Variants in BIN2 observed in about 807,000 individuals in gnomAD.
BIN2 encodes the protein breast cancer associated protein BRAP1.
In BIN2, 43 loss-of-function variants were observed where a neutral mutation model predicts 67.9. The observed-to-expected ratio is 0.63, with a 90% confidence interval of 0.50 to 0.82. The LOEUF is 0.82. BIN2 is among the 40% of genes least tolerant of loss of function. The pLI, the probability that BIN2 is intolerant of heterozygous loss-of-function variation, is 0.00. For missense variants in BIN2, 581 were observed against 671.6 expected, an observed-to-expected ratio of 0.87 and a Z score of 1.49; for synonymous variants, 244 against 246.8, an observed-to-expected ratio of 0.99 and a Z score of 0.11.
chr12:51,304,828 A>T (rs1178035833), intron 2 of BIN2, among the ~76,000 whole-genome samples: 1 of 150,520 alleles, frequency 6.6e-6, no homozygotes, highest in African/African-American at 2.5e-5. Flanking sequence ...CATCCTGGCT[A>T]ACACGGTGAA....
chr12:51,315,573 T>G (rs1250205010), intron 1 of BIN2, among the ~76,000 whole-genome samples: 1 of 152,182 alleles, frequency 6.6e-6, no homozygotes, highest in Non-Finnish European at 1.5e-5. Context: ...GGCTTTTAAG[T>G]AAAATGTGAG....
At chr12:51,314,597 C>T (rs11833655) in intron 1 of BIN2, among the ~76,000 whole-genome samples, 4 of 151,786 alleles carry the variant, frequency 2.6e-5, no homozygotes, top group African/African-American at 4.8e-5. Flanking sequence ...GTCGGGAGTT[C>T]GAGGCCAGGC....
chr12:51,291,812 T>A lies in BIN2; in HGVS notation c.1294A>T (p.Asn432Tyr), dbSNP rs1945388406. ...GAGGCTGTAGGGCTGGAAGGTATGT[T>A]CCCTGAGGAGGGCCTGGGGCTTGCA... Reference protein sequence around the residue: ...ATASPRPSSGNIPSSPTASGG... With the variant: ...ATASPRPSSGYIPSSPTASGG... The change falls in exon 10 of 13, where the codon AAC becomes TAC. Residue 432 changes from asparagine to tyrosine, a missense_variant. Coordinates refer to ENST00000615107, the MANE Select transcript of BIN2 (RefSeq NM_016293.4). 6.2e-7 allele frequency: 1 copy of A among 1,613,824 alleles called. No individual in the cohort carries two copies. Among genetic ancestry groups the A allele is most frequent in the Admixed American group, 1.7e-5 (1 of 59,972 alleles).
Position 51,291,727 on chromosome 12 carries a change from C to T in BIN2, c.1379G>A (p.Arg460Lys). ...ATTAGGAGAGACCTCTAGGGAGGTC[C>T]TAGGACTTGCAGTCCCAGTCCCCAA... ...ASLGTGTASP[R>K]TSLEVSPNPE... is the part of the protein sequence containing the mutation. The change falls in exon 10 of 13, where the codon AGG becomes AAG. Residue 460 changes from arginine to lysine, a missense_variant. By Grantham distance (26) the Arg-to-Lys change is conservative. Coordinates refer to ENST00000615107, the MANE Select transcript of BIN2 (RefSeq NM_016293.4). 9 of 1,613,604 alleles carry T rather than the reference C, an allele frequency of 5.6e-6. No homozygotes were observed. The highest frequency in any genetic ancestry group is 3.3e-5 in the South Asian group (3 of 91,046).
At chr12:51,307,633 C>G (rs146234645) in intron 2 of BIN2, among the ~76,000 whole-genome samples, 1 of 151,312 alleles carries the variant, frequency 6.6e-6, no homozygotes. Context: ...CGCTTGAACC[C>G]GGGGGCACAG....
At chr12:51,298,360 G>C (rs965846489) in intron 7 of BIN2, among the ~76,000 whole-genome samples, 2 of 151,914 alleles carry the variant, frequency 1.3e-5, no homozygotes, top group African/African-American at 4.8e-5. Flanking sequence ...AACAGAGTGA[G>C]ACTCTGTCTC....
intron 2 of BIN2, among the ~76,000 whole-genome samples, chr12:51,312,261 C>A (rs561607643): frequency 1.3e-5 from 2 of 152,298 alleles, no homozygotes; most frequent in African/African-American, 4.8e-5. Flanking sequence ...GCCATCACAA[C>A]CTTATACAAA....
intron 7 of BIN2, among the ~76,000 whole-genome samples, chr12:51,298,677 A>C (rs1945634554): frequency 6.6e-6 from 1 of 152,224 alleles, no homozygotes; most frequent in African/African-American, 2.4e-5. Context: ...ATAAGTGACA[A>C]TATAAAATAT....
At chr12:51,294,427 T>C (rs925680777) in intron 9 of BIN2, among the ~76,000 whole-genome samples, 1 of 151,058 alleles carries the variant, frequency 6.6e-6, no homozygotes, top group Non-Finnish European at 1.5e-5. Context: ...ATTAGCCGGG[T>C]GTGGTGGCAT....
At chr12:51,305,014 T>A (rs1272068538) in intron 2 of BIN2, among the ~76,000 whole-genome samples, 2 of 147,722 alleles carry the variant, frequency 1.4e-5, no homozygotes, top group African/African-American at 2.5e-5. Flanking sequence ...CCAGACTCCG[T>A]CTCAAAACAA....
At chr12:51,319,136 T>C (rs1946204054) in intron 1 of BIN2, among the ~76,000 whole-genome samples, 1 of 152,180 alleles carries the variant, frequency 6.6e-6, no homozygotes, top group Non-Finnish European at 1.5e-5. Context: ...TTGGTTCTTC[T>C]TAGGTGGAGA....
intron 2 of BIN2, among the ~76,000 whole-genome samples, chr12:51,311,257 G>GC (rs1427408746): frequency 1.3e-5 from 2 of 151,886 alleles, no homozygotes; most frequent in African/African-American, 4.8e-5. Context: ...CTCCTGTGTT[G>GC]CCGGGTTTGT....
intron 2 of BIN2, among the ~76,000 whole-genome samples, chr12:51,309,662 T>C (rs74093823): frequency 0.13 from 20,152 of 152,144 alleles, 1,489 homozygotes; most frequent in East Asian, 0.24. Context: ...AGGCATGAGC[T>C]GCTGCACCCA....
At position 51,320,634 on chromosome 12, in the gene BIN2, C is replaced by CTT. The variant is rs76824967; in HGVS notation, c.81+3386_81+3387dup. ...GGTCAGTTATTTTATTATCATTATT[C>CTT]TTTTTTTTTTTTTTTTTTAACTAGA... is the stretch of plus-strand genomic sequence containing the variant. On this transcript the variant is annotated intron_variant, in intron 1 of 12. Coordinates refer to ENST00000615107, the MANE Select transcript of BIN2 (RefSeq NM_016293.4). 1.3e-4 allele frequency among the ~76,000 whole-genome samples: 13 copies of CTT among 98,744 alleles called. No individual in the cohort carries two copies. In the South Asian group the frequency reaches 3.4e-3, roughly 26 times the overall value. The allele number at this position is 98,744 out of a possible 152,430, so 64.8% of individuals were successfully genotyped here.
intron 7 of BIN2, 46 bp from the exon 8 acceptor site, chr12:51,297,210 A>G: frequency 1.3e-6 from 2 of 1,555,964 alleles, no homozygotes; most frequent in Non-Finnish European, 1.8e-6. Flanking sequence ...AGGCATGGGA[A>G]AGGAGTTCTT....
Position 51,295,791 on chromosome 12 carries a change from C to T in BIN2, c.761+5G>A, listed in dbSNP as rs1422212227. On this transcript the variant is annotated splice_donor_5th_base_variant and intron_variant, in intron 9 of 12. Coordinates refer to ENST00000615107, the MANE Select transcript of BIN2 (RefSeq NM_016293.4). ...CGAAGCAAAAAAGTCTTGGATGCTG[C>T]TCACCTTGACAGTCCCTTCACCACA... 9.3e-6 allele frequency: 15 copies of T among 1,612,256 alleles called. No individual in the cohort carries two copies. Among genetic ancestry groups the T allele is most frequent in the Non-Finnish European group, 8.5e-6 (10 of 1,179,352 alleles).
chr12:51,324,314 C>T, upstream of BIN2: 1 of 1,357,440 alleles, frequency 7.4e-7, no homozygotes, highest in Non-Finnish European at 9.6e-7. Context: ...CGGGGCCTAC[C>T]CTCAGGCAGC....
At chr12:51,321,385 GGAGA>G (rs1205098928) in intron 1 of BIN2, among the ~76,000 whole-genome samples, 1 of 152,066 alleles carries the variant, frequency 6.6e-6, no homozygotes, top group Non-Finnish European at 1.5e-5. Flanking sequence ...CTCCATAAAG[GGAGA>G]GAGAATCACT....
intron 6 of BIN2, 100 bp from the exon 7 acceptor site, chr12:51,299,388 T>C (rs756096130): frequency 1.9e-5 from 23 of 1,202,022 alleles, no homozygotes; most frequent in Non-Finnish European, 2.2e-5. Flanking sequence ...CTAGGCTTTT[T>C]AGGAGCCATC....
Sources: allele counts gnomAD v4.1 joint callset (sites outside exome capture counted in the v4.1 genomes callset), GRCh38; gene constraint gnomAD v4.1.1; transcripts MANE v1.5; gene names NCBI Gene and HGNC (gene_info 2026-07-23, HGNC 2026-07-21).